APC2: variants seen among roughly 807,000 people sequenced by gnomAD.
The protein encoded by APC2 is adenomatous polyposis coli protein 2.
APC2 carries 41 observed loss-of-function variants against 72.5 expected under a neutral mutation model. The observed-to-expected ratio is 0.57, with a 90% CI of 0.44 to 0.73. APC2 has a LOEUF of 0.73. Ranked by LOEUF, APC2 falls within the 30% of genes least tolerant of loss-of-function variation. The pLI is 0.00. For synonymous variants in APC2, 1,898 were observed against 1,612.0 expected (o/e 1.18, Z -4.25); for missense variants, 3,729 against 3,403.4 (o/e 1.10, Z -2.38).
chr19:1,456,848 C>T lies in APC2; in HGVS notation c.817-5C>T, dbSNP rs1311885219. On this transcript the variant is annotated splice_region_variant and splice_polypyrimidine_tract_variant and intron_variant, in intron 8 of 14. Coordinates refer to ENST00000590469, the MANE Select transcript of APC2 (RefSeq NM_005883.3). Reference sequence around the variant, plus strand: ...GACCCCACCCTGACCCTGCCCTCCCCCCAGGTGGAGGTGGTCTTCTGGCTG... The same window carrying T: ...GACCCCACCCTGACCCTGCCCTCCCTCCAGGTGGAGGTGGTCTTCTGGCTG... 2 of 1,594,162 alleles carry T rather than the reference C, an allele frequency of 1.3e-6. No homozygotes were observed. Among genetic ancestry groups the T allele is most frequent in the East Asian group, 2.3e-5 (1 of 43,918 alleles).
rs958232152 is a variant in APC2 at position 1,471,221 on chromosome 19, GT to G, written c.*1009del. 1 of 152,488 alleles carries G rather than the reference GT, an allele frequency of 6.6e-6. No homozygotes were observed. The highest frequency in any genetic ancestry group is 6.5e-5 in the Admixed American group (1 of 15,290). 9.4% of individuals were successfully genotyped at this position (152,488 alleles called of 1,614,324 possible). A position where few individuals can be genotyped will look rare whatever the true frequency, so the allele number is the denominator to read the frequency against. ...ACGGAGACCATCACATGTGGGCGTGGTCAGTGCCCAGGACCGCACCGCTGCT... is the reference window on the plus strand; with the variant it reads ...ACGGAGACCATCACATGTGGGCGTGGCAGTGCCCAGGACCGCACCGCTGCT... On this transcript the variant is annotated 3_prime_UTR_variant, in exon 15 of 15. Coordinates refer to ENST00000590469, the MANE Select transcript of APC2 (RefSeq NM_005883.3).
In APC2 at chr19:1,466,264, C is replaced by T; in HGVS notation, c.2963C>T (p.Ala988Val). ...PPAREATSAD[A>V]RVRTIKLSPT... ...GCCCGCGAGGCCACCTCCGCCGACGCCCGCGTGCGCACCATCAAGCTGTCG... is the reference window on the plus strand; with the variant it reads ...GCCCGCGAGGCCACCTCCGCCGACGTCCGCGTGCGCACCATCAAGCTGTCG... Residue 988 changes from alanine (A) to valine (V), a missense_variant, in exon 15 of 15, where the codon GCC (alanine) becomes GTC (valine). Ala to Val is a moderately conservative substitution (Grantham distance 64). Transcript: ENST00000590469. 1 of 1,528,740 alleles carries T rather than the reference C, an allele frequency of 6.5e-7. No individual in the cohort carries two copies. Among genetic ancestry groups the T allele is most frequent in the Non-Finnish European group, 8.7e-7 (1 of 1,144,588 alleles). The allele number at this position is 1,528,740 out of a possible 1,614,324, so 94.7% of individuals were successfully genotyped here.
In APC2 at chr19:1,466,674, G is replaced by A; in HGVS notation, c.3373G>A (p.Ala1125Thr). 6.6e-7 allele frequency: 1 copy of A among 1,506,152 alleles called. No individual in the cohort carries two copies. The highest frequency in any genetic ancestry group is 8.9e-7 in the Non-Finnish European group (1 of 1,127,644). 93.3% of individuals were successfully genotyped at this position (1,506,152 alleles called of 1,614,324 possible). Residue 1125 changes from alanine (A) to threonine (T), a missense_variant, in exon 15 of 15, where the codon GCC (alanine) becomes ACC (threonine). Physicochemically the swap from Ala to Thr is moderately conservative, Grantham distance 58. Transcript: ENST00000590469. ...GCCCGGGGCCACCTCGCTGCCCGTAGCCATTCCGGCTCCCCGGCGTAACCG... is the reference window on the plus strand; with the variant it reads ...GCCCGGGGCCACCTCGCTGCCCGTAACCATTCCGGCTCCCCGGCGTAACCG... ...RAPGATSLPV[A>T]IPAPRRNRGR...
At position 1,456,929 on chromosome 19, in the gene APC2, T is replaced by C. The variant is rs1491000308; in HGVS notation, c.893T>C (p.Met298Thr). 3.2e-6 allele frequency: 5 copies of C among 1,564,438 alleles called. No individual in the cohort carries two copies. Among genetic ancestry groups the C allele is most frequent in the Admixed American group, 1.8e-5 (1 of 54,772 alleles). The change falls in exon 9 of 15, where the codon ATG becomes ACG. Residue 298 changes from methionine to threonine, a missense_variant. By Grantham distance (81) the Met-to-Thr change is moderately conservative (BLOSUM62 -1). Transcript: ENST00000590469. ...GATACAGCGCGCACGCTGCTGGCCATGTCCAGCTCGCCCGAGAGCTGCGTG... is the reference window on the plus strand; with the variant it reads ...GATACAGCGCGCACGCTGCTGGCCACGTCCAGCTCGCCCGAGAGCTGCGTG... Reference protein sequence around the residue: ...QEDTARTLLAMSSSPESCVAM... With the variant: ...QEDTARTLLATSSSPESCVAM...
chr19:1,468,622 CACG>C lies in APC2; in HGVS notation c.5322_5324del (p.Arg1775del), dbSNP rs1487534602. 6.2e-7 allele frequency: 1 copy of C among 1,601,480 alleles called. No homozygotes were observed. The highest frequency in any genetic ancestry group is 8.5e-7 in the Non-Finnish European group (1 of 1,173,086). On this transcript the variant is annotated inframe_deletion, in exon 15 of 15. Transcript: ENST00000590469. ...CGTTCCCCTGCAGGCCCCGAGAAGC[CACG>C]TGGCACACAGAAGACCACGCCCGGG... is the stretch of plus-strand genomic sequence containing the variant.
chr19:1,469,359 G>GC lies in APC2; in HGVS notation c.6064dup (p.Gln2022ProfsTer131). 6.3e-6 allele frequency: 8 copies of GC among 1,270,876 alleles called. No individual in the cohort carries two copies. Among genetic ancestry groups the GC allele is most frequent in the South Asian group, 4.2e-5 (2 of 47,154 alleles). The allele number at this position is 1,270,876 out of a possible 1,614,324, so 78.7% of individuals were successfully genotyped here. A position where few individuals can be genotyped will look rare whatever the true frequency, so the allele number is the denominator to read the frequency against. On this transcript the variant is annotated frameshift_variant, in exon 15 of 15. Transcript: ENST00000590469. LOFTEE classifies it low-confidence loss of function (END_TRUNC). The stretch of plus-strand genomic sequence containing the variant: ...GTCCTCGGCCGAGTCCGCGGCCTCT[G>GC]CCCCCCAGGGCGCCTCGCCCCGCCG...
At position 1,466,549 on chromosome 19, in the gene APC2, GC is replaced by G; in HGVS notation, c.3252del (p.Ser1085AlafsTer40). 1 of 1,583,258 alleles carries G rather than the reference GC, an allele frequency of 6.3e-7. No homozygotes were observed. Among genetic ancestry groups the G allele is most frequent in the Non-Finnish European group, 8.5e-7 (1 of 1,172,632 alleles). On this transcript the variant is annotated frameshift_variant, in exon 15 of 15. Coordinates refer to ENST00000590469, the MANE Select transcript of APC2 (RefSeq NM_005883.3). LOFTEE classifies it low-confidence loss of function (END_TRUNC). ...LSSLSSAGRP[G>X]PSEGGDLDDS... ...TCGCTGTCCTCGGCCGGCCGCCCAG[GC>G]CCCAGCGAGGGTGGTGACCTGGATG... is the stretch of plus-strand genomic sequence containing the variant.
intron 14 of APC2, among the ~76,000 whole-genome samples, chr19:1,462,449 A>G (rs1375039768): frequency 6.6e-6 from 1 of 151,408 alleles, no homozygotes; most frequent in Non-Finnish European, 1.5e-5. Context: ...TGAGGTTGGG[A>G]GTTCAAGACC....
intron 6 of APC2, 147 bp from the exon 7 acceptor site, chr19:1,455,929 G>A: frequency 6.3e-6 from 1 of 159,684 alleles, no homozygotes; most frequent in Non-Finnish European, 9.6e-6. Flanking sequence ...GGATCAGGGA[G>A]AAGGCAGAGG....
chr19:1,451,569 C>T, intron 1 of APC2: 1 of 152,268 alleles, frequency 6.6e-6, no homozygotes, highest in East Asian at 1.9e-4. Flanking sequence ...CCTGCAGGTT[C>T]CTCAGAGGGG....
chr19:1,463,855 C>T (rs897266590), intron 14 of APC2, among the ~76,000 whole-genome samples: 2 of 152,090 alleles, frequency 1.3e-5, no homozygotes, highest in Non-Finnish European at 2.9e-5. Context: ...TGAAGTACAT[C>T]TCAAATACAC....
intron 14 of APC2, among the ~76,000 whole-genome samples, chr19:1,463,416 CAAA>C (rs77093731): frequency 1.0e-5 from 1 of 98,558 alleles, no homozygotes; most frequent in Non-Finnish European, 2.2e-5. Context: ...GACTCTGTCT[CAAA>C]AAAAAAAAAA....
At chr19:1,449,702 C>T (rs2083719830), upstream of APC2, among the ~76,000 whole-genome samples, 1 of 152,080 alleles carries the variant, frequency 6.6e-6, no homozygotes, top group Non-Finnish European at 1.5e-5. Flanking sequence ...GAACCCTGTC[C>T]CACCCTGACG....
At position 1,466,073 on chromosome 19, in the gene APC2, C is replaced by G. The variant is rs749542975; in HGVS notation, c.2772C>G (p.Asn924Lys). ...AGGCGGCCCACGCCAGCCTCTCCAA[C>G]GACAGCCTCAACAGCGGCAGTGCCA... ...RLKAAHASLS[N>K]DSLNSGSASD... Residue 924 changes from asparagine (N) to lysine (K), a missense_variant, in exon 15 of 15, where the codon AAC (asparagine) becomes AAG (lysine). Asn to Lys is a moderately conservative substitution (Grantham distance 94, BLOSUM62 0). Transcript: ENST00000590469. 1.3e-6 allele frequency: 2 copies of G among 1,522,824 alleles called. No individual in the cohort carries two copies. The highest frequency in any genetic ancestry group is 2.1e-5 in the Admixed American group (1 of 46,772). 94.3% of individuals were successfully genotyped at this position (1,522,824 alleles called of 1,614,324 possible).
chr19:1,467,225 C>T lies in APC2; in HGVS notation c.3924C>T (p.Ala1308=), dbSNP rs762012380. 2 of 1,366,178 alleles carry T rather than the reference C, an allele frequency of 1.5e-6. No individual in the cohort carries two copies. The highest frequency in any genetic ancestry group is 6.6e-5 in the Admixed American group (2 of 30,368). 84.6% of individuals were successfully genotyped at this position (1,366,178 alleles called of 1,614,324 possible). ...PSACPERGGG[A]GGAGLHFAGH... Reference sequence around the variant, plus strand: ...CCTGCCCCGAGCGCGGCGGGGGCGCCGGGGGCGCCGGCCTCCACTTTGCAG... The same window carrying T: ...CCTGCCCCGAGCGCGGCGGGGGCGCTGGGGGCGCCGGCCTCCACTTTGCAG... Residue 1308 remains alanine (A), a synonymous_variant, in exon 15 of 15, where the codon GCC becomes GCT. Coordinates refer to ENST00000590469, the MANE Select transcript of APC2 (RefSeq NM_005883.3).
intron 9 of APC2, chr19:1,457,669 G>C (rs1231839693): frequency 5.7e-6 from 3 of 530,728 alleles, no homozygotes; most frequent in Non-Finnish European, 1.0e-5. Context: ...CTGCACTCCA[G>C]TCTGGACAAC....
Position 1,470,091 on chromosome 19 carries a change from C to T in APC2, c.6790C>T (p.Pro2264Ser), listed in dbSNP as rs1032722464. The change falls in exon 15 of 15, where the codon CCC becomes TCC. Residue 2264 changes from proline (P) to serine (S), a missense_variant. Transcript: ENST00000590469. Reference protein sequence around the residue: ...GGFPASRHGSPSRSARVPPFN... With the variant: ...GGFPASRHGSSSRSARVPPFN... ...CTTCCCCGCCAGCCGGCACGGCTCC[C>T]CCAGCCGCTCGGCCCGAGTACCCCC... 6.2e-7 allele frequency: 1 copy of T among 1,604,418 alleles called. No individual in the cohort carries two copies. The highest frequency in any genetic ancestry group is 8.5e-7 in the Non-Finnish European group (1 of 1,177,534).
rs2083807233 is a variant in APC2 at position 1,455,440 on chromosome 19, C to G, written c.579C>G (p.His193Gln). The change falls in exon 6 of 15, where the codon CAC (histidine) becomes CAG (glutamine). Residue 193 changes from histidine to glutamine, a missense_variant. By Grantham distance (24) the His-to-Gln change is conservative. Transcript: ENST00000590469. ...AGCAGCTTGAGTTCGAGGCCCAGCACATCCGCTCGCTGATGGAGGAGCGCT... is the reference window on the plus strand; with the variant it reads ...AGCAGCTTGAGTTCGAGGCCCAGCAGATCCGCTCGCTGATGGAGGAGCGCT... ...IRQQLEFEAQ[H>Q]IRSLMEERFG... is the part of the protein sequence containing the mutation. 8 of 1,607,478 alleles carry G rather than the reference C, an allele frequency of 5.0e-6. No individual in the cohort carries two copies. Among genetic ancestry groups the G allele is most frequent in the South Asian group, 1.1e-5 (1 of 89,980 alleles).
intron 14 of APC2, among the ~76,000 whole-genome samples, chr19:1,464,853 G>C (rs562769509): frequency 1.4e-4 from 21 of 150,744 alleles, no homozygotes; most frequent in African/African-American, 2.7e-4. Flanking sequence ...GGATGGTCTC[G>C]ATCTCCTGAC....
Sources: allele counts gnomAD v4.1 joint callset (sites outside exome capture counted in the v4.1 genomes callset), GRCh38; gene constraint gnomAD v4.1.1; transcripts MANE v1.5; gene names NCBI Gene and HGNC (gene_info 2026-07-23, HGNC 2026-07-21).